Variants in SEC14L1 observed in about 807,000 individuals in gnomAD.
The protein encoded by SEC14L1 is SEC14 like lipid binding 1.
SEC14L1 carries 48 observed loss-of-function variants against 85.3 expected under a neutral mutation model. The ratio of observed to expected loss-of-function variants is 0.56; its 90% CI spans 0.45 to 0.72. The LOEUF is 0.72. SEC14L1 is among the 30% of genes least tolerant of loss of function. SEC14L1 has a pLI of 0.00. For missense variants in SEC14L1, 682 were observed against 921.4 expected (o/e 0.74, Z 3.36); for synonymous variants, 391 against 355.5 (o/e 1.10, Z -1.12).
At chr17:77,169,713 G>A (rs1974444431) in intron 3 of SEC14L1, among the ~76,000 whole-genome samples, 1 of 152,180 alleles carries the variant, frequency 6.6e-6, no homozygotes, top group Non-Finnish European at 1.5e-5. Context: ...GGGTTGAGGA[G>A]TAATGAAGTG....
At chr17:77,148,544 T>G (rs1973414727) in intron 3 of SEC14L1, among the ~76,000 whole-genome samples, 1 of 152,226 alleles carries the variant, frequency 6.6e-6, no homozygotes, top group East Asian at 1.9e-4. Flanking sequence ...AGTTTCACTG[T>G]GCCCTAGGAG....
intron 3 of SEC14L1, among the ~76,000 whole-genome samples, chr17:77,129,631 C>G (rs1972555158): frequency 6.6e-6 from 1 of 152,142 alleles, no homozygotes; most frequent in South Asian, 2.1e-4. Flanking sequence ...TGGGAGAGCT[C>G]TGGCCTCTGA....
chr17:77,205,427 T>C, intron 11 of SEC14L1, 81 bp downstream of exon 11: 13 of 1,274,430 alleles, frequency 1.0e-5, no homozygotes, highest in South Asian at 4.9e-5. Context: ...GGAATTAAAA[T>C]CTACTTATTA....
intron 2 of SEC14L1, among the ~76,000 whole-genome samples, chr17:77,091,835 A>G (rs1971525496): frequency 6.6e-6 from 1 of 150,972 alleles, no homozygotes; most frequent in East Asian, 1.9e-4. Flanking sequence ...TTTTTTGAGA[A>G]GGAGTCTTAT....
intron 3 of SEC14L1, among the ~76,000 whole-genome samples, chr17:77,174,168 C>T (rs527638702): frequency 6.6e-6 from 1 of 152,260 alleles, no homozygotes; most frequent in South Asian, 2.1e-4. Context: ...ATCTGCCTAC[C>T]TCAGCCTCCC....
chr17:77,207,778 CGAAG>C (rs1976541666), intron 13 of SEC14L1, among the ~76,000 whole-genome samples: 1 of 152,030 alleles, frequency 6.6e-6, no homozygotes, highest in African/African-American at 2.4e-5. Flanking sequence ...AGTAAAAAAA[CGAAG>C]GGAAGTGGTT....
At chr17:77,165,167 T>G (rs940964190) in intron 3 of SEC14L1, among the ~76,000 whole-genome samples, 2 of 152,222 alleles carry the variant, frequency 1.3e-5, no homozygotes, top group Non-Finnish European at 2.9e-5. Flanking sequence ...CCGAATATAG[T>G]ATACGTAGCT....
chr17:77,175,616 A>G (rs1309087487), intron 3 of SEC14L1, among the ~76,000 whole-genome samples: 3 of 152,230 alleles, frequency 2.0e-5, no homozygotes, highest in Admixed American at 6.5e-5. Context: ...TTTCTTAGAT[A>G]AAACAATACT....
intron 3 of SEC14L1, among the ~76,000 whole-genome samples, chr17:77,127,550 A>G (rs1972487679): frequency 6.6e-6 from 1 of 152,082 alleles, no homozygotes. Context: ...GGGTTTCACC[A>G]TGTTGGCCAG....
At chr17:77,110,608 C>T (rs532260662) in intron 3 of SEC14L1, among the ~76,000 whole-genome samples, 6 of 151,606 alleles carry the variant, frequency 4.0e-5, no homozygotes, top group Non-Finnish European at 8.8e-5. Flanking sequence ...TGGCTGGGCG[C>T]GGTGGCTCAT....
At chr17:77,208,434 C>T (rs1284943547) in intron 13 of SEC14L1, among the ~76,000 whole-genome samples, 3 of 152,148 alleles carry the variant, frequency 2.0e-5, no homozygotes, top group Non-Finnish European at 2.9e-5. Flanking sequence ...CCTGCCTCAC[C>T]GCGTTGTGCC....
At chr17:77,165,958 T>G (rs1974261023) in intron 3 of SEC14L1, among the ~76,000 whole-genome samples, 1 of 152,240 alleles carries the variant, frequency 6.6e-6, no homozygotes, top group Admixed American at 6.5e-5. Flanking sequence ...CTGTTTGCAT[T>G]CAGAAGGTCC....
chr17:77,114,080 G>GC (rs1972113372), intron 3 of SEC14L1, among the ~76,000 whole-genome samples: 2 of 152,116 alleles, frequency 1.3e-5, no homozygotes, highest in Admixed American at 1.3e-4. Flanking sequence ...AGCAAAGGGC[G>GC]CCCTGGATGT....
chr17:77,103,260 A>T (rs1417087408), intron 3 of SEC14L1, among the ~76,000 whole-genome samples: 1 of 150,918 alleles, frequency 6.6e-6, no homozygotes, highest in South Asian at 2.1e-4. Flanking sequence ...TTACAGGCAC[A>T]TGTGACCATG....
intron 3 of SEC14L1, among the ~76,000 whole-genome samples, chr17:77,118,058 T>A (rs1415521411): frequency 6.6e-6 from 1 of 152,228 alleles, no homozygotes; most frequent in Non-Finnish European, 1.5e-5. Flanking sequence ...ATCATTTGAT[T>A]TTTTCCATCT....
At chr17:77,204,409 G>A (rs1038111440) in intron 10 of SEC14L1, among the ~76,000 whole-genome samples, 1 of 151,332 alleles carries the variant, frequency 6.6e-6, no homozygotes, top group African/African-American at 2.4e-5. Context: ...TACTAGAGAC[G>A]GGGTTTCACC....
upstream of SEC14L1, among the ~76,000 whole-genome samples, chr17:77,138,807 G>C (rs1212454150): frequency 3.3e-5 from 5 of 152,092 alleles, no homozygotes; most frequent in Non-Finnish European, 5.9e-5. Context: ...CTGGGGAACA[G>C]AGTGAGACTG....
rs115354692 is a variant in SEC14L1, at chr17:77,118,105, A to T, written c.-135-24541A>T. On this transcript the variant is annotated intron_variant, in intron 3 of 19. Transcript: ENST00000392476. ...CTAGGCCATCAGGCCCACCTGGCTC[A>T]TGCTGTTCATGCCAGTGTCCCAGTA... 3.6e-3 allele frequency among the ~76,000 whole-genome samples: 547 copies of T among 152,378 alleles called. 5 individuals are homozygous for T. Among genetic ancestry groups the T allele is most frequent in the African/African-American group, 0.012 (510 of 41,594 alleles).
At chr17:77,164,204 C>T (rs1052797427) in intron 3 of SEC14L1, among the ~76,000 whole-genome samples, 12 of 152,198 alleles carry the variant, frequency 7.9e-5, no homozygotes, top group African/African-American at 2.9e-4. Context: ...ACCGTGCCCC[C>T]GAGCAGGCAG....
Sources: allele counts gnomAD v4.1 joint callset (sites outside exome capture counted in the v4.1 genomes callset), GRCh38; gene constraint gnomAD v4.1.1; transcripts MANE v1.5; gene names NCBI Gene and HGNC (gene_info 2026-07-23, HGNC 2026-07-21).